COL27A1: variants seen among roughly 807,000 people sequenced by gnomAD.
COL27A1 encodes the protein collagen alpha-1(XXVII) chain.
Under a neutral mutation model 251.3 loss-of-function variants are expected in COL27A1, and 106 were observed. The observed-to-expected ratio is 0.42, with a 90% confidence interval of 0.36 to 0.50. The LOEUF (loss-of-function observed/expected upper bound fraction) is 0.50. Ranked by LOEUF, COL27A1 falls within the 20% of genes least tolerant of loss-of-function variation. The probability of loss-of-function intolerance (pLI) is 0.00; values close to 1 mark genes in which losing one functional copy is unlikely to be tolerated. For synonymous variants in COL27A1, 1,000 were observed against 986.3 expected, an observed-to-expected ratio of 1.01 and a Z score of -0.26; for missense variants, 2,325 against 2,522.8, an observed-to-expected ratio of 0.92 and a Z score of 1.68.
At chr9:114,237,534 T>C (rs1832479314) in intron 18 of COL27A1, 128 bp from the exon 19 acceptor site, 1 of 781,440 alleles carries the variant, frequency 1.3e-6, no homozygotes, top group Non-Finnish European at 2.3e-6. Flanking sequence ...TCCTTCTAGT[T>C]GTCCAGGCAG....
At chr9:114,262,122 TGCCATCAGCTCA>T (rs1404673001) in intron 28 of COL27A1, among the ~76,000 whole-genome samples, 4 of 152,178 alleles carry the variant, frequency 2.6e-5, no homozygotes, top group Admixed American at 6.5e-5. Flanking sequence ...TTCAGTTGTC[TGCCATCAGCTCA>T]GCCCCTGTCC....
chr9:114,230,803 T>C (rs1831890933), intron 14 of COL27A1, among the ~76,000 whole-genome samples: 1 of 152,144 alleles, frequency 6.6e-6, no homozygotes, highest in South Asian at 2.1e-4. Flanking sequence ...GGGTAAAGAA[T>C]CAGATATAGG....
chr9:114,156,361 C>T (rs1848124092), intron 1 of COL27A1, among the ~76,000 whole-genome samples: 1 of 149,236 alleles, frequency 6.7e-6, no homozygotes, highest in Non-Finnish European at 1.5e-5. Flanking sequence ...GGGGGGTCTC[C>T]GTTTGGGGCC....
intron 58 of COL27A1, 35 bp from the exon 59 acceptor site, chr9:114,307,634 A>T: frequency 2.1e-6 from 3 of 1,427,904 alleles, no homozygotes; most frequent in Non-Finnish European, 3.0e-6. Flanking sequence ...CATCCCCCAG[A>T]TACATACATC....
intron 4 of COL27A1, among the ~76,000 whole-genome samples, chr9:114,181,677 C>T (rs577020608): frequency 6.6e-6 from 1 of 152,192 alleles, no homozygotes; most frequent in Non-Finnish European, 1.5e-5. Flanking sequence ...TATTACTGTG[C>T]TGGAAGACTC....
Position 114,168,001 on chromosome 9 carries a change from T to C in COL27A1, c.446T>C (p.Leu149Pro). The C allele has an allele frequency of 6.2e-7, 1 of 1,604,732 alleles. No individual in the cohort carries two copies. The highest frequency in any genetic ancestry group is 8.5e-7 in the Non-Finnish European group (1 of 1,179,762). The part of the protein sequence containing the change: ...LGSRRSVAFD[L>P]DMHDGRWHHL... ...TCCCGGCGCTCAGTGGCCTTCGACC[T>C]CGACATGCACGACGGGCGCTGGCAC... The change falls in exon 3 of 61, where the codon CTC becomes CCC. Residue 149 changes from leucine to proline, a missense_variant. Coordinates refer to ENST00000356083, the MANE Select transcript of COL27A1 (RefSeq NM_032888.4).
rs148339655 is a variant in COL27A1 at position 114,168,038 on chromosome 9, C to T, written c.483C>T (p.Leu161=). 173 of 1,605,870 alleles carry T rather than the reference C, an allele frequency of 1.1e-4. 3 individuals are homozygous for T. In the South Asian group the frequency reaches 1.5e-3, roughly 14 times the overall value. Residue 161 remains leucine, a synonymous_variant, in exon 3 of 61, where the codon CTC becomes CTT. Coordinates refer to ENST00000356083, the MANE Select transcript of COL27A1 (RefSeq NM_032888.4). ...MHDGRWHHLA[L]ELRGRTVTLV... Reference sequence around the variant, plus strand: ...ACGGGCGCTGGCACCACCTGGCCCTCGAGCTCCGAGGCCGCACAGTCACTC... The same window carrying T: ...ACGGGCGCTGGCACCACCTGGCCCTTGAGCTCCGAGGCCGCACAGTCACTC...
intron 27 of COL27A1, among the ~76,000 whole-genome samples, 166 bp downstream of exon 27, chr9:114,253,098 G>A (rs7042314): frequency 0.45 from 68,815 of 152,034 alleles, 16,748 homozygotes; most frequent in East Asian, 0.76. Flanking sequence ...TGTCTCTACG[G>A]AAAATACAAA....
At chr9:114,162,660 C>G in intron 1 of COL27A1, 55 bp from the exon 2 acceptor site, 1 of 1,325,216 alleles carries the variant, frequency 7.5e-7, no homozygotes. Context: ...CAGCCGGATC[C>G]GGGTGTGAGG....
rs767375727 is a variant in COL27A1 at position 114,266,538 on chromosome 9, C to T, written c.3394-27C>T. 4.6e-5 allele frequency: 74 copies of T among 1,610,542 alleles called. 1 individual carries two copies. In the Middle Eastern group the frequency reaches 1.3e-3, roughly 29 times the overall value. On this transcript the variant is annotated intron_variant, in intron 32 of 60. Transcript: ENST00000356083. Reference sequence around the variant, plus strand: ...GAGGGCCCAGGCTGACCTCTCCCAACTGTCTGTGTGTCTGTCTGTCTTCCA... The same window carrying T: ...GAGGGCCCAGGCTGACCTCTCCCAATTGTCTGTGTGTCTGTCTGTCTTCCA...
At chr9:114,167,210 T>A (rs934170897) in intron 2 of COL27A1, among the ~76,000 whole-genome samples, 1 of 152,214 alleles carries the variant, frequency 6.6e-6, no homozygotes, top group Non-Finnish European at 1.5e-5. Context: ...CCTCTAACAC[T>A]CTCAGCAACA....
chr9:114,257,566 G>GC (rs1834010564), intron 27 of COL27A1, among the ~76,000 whole-genome samples: 1 of 151,748 alleles, frequency 6.6e-6, no homozygotes, highest in Non-Finnish European at 1.5e-5. Context: ...TGTCTCTCTT[G>GC]CCCCTCTTGT....
At position 114,203,686 on chromosome 9, in the gene COL27A1, T is replaced by C. The variant is rs1400889497; in HGVS notation, c.2125-1416T>C. 2.0e-5 allele frequency among the ~76,000 whole-genome samples: 3 copies of C among 152,184 alleles called. No individual in the cohort carries two copies. The East Asian group carries it at 5.8e-4, about 29-fold the overall frequency. The stretch of plus-strand genomic sequence containing the variant: ...TTGTAAACTCTCCAGACCTCTTAGA[T>C]CAAACTGACTCTGCTGTTTATAATA... On this transcript the variant is annotated intron_variant, in intron 7 of 60. Transcript: ENST00000356083.
At chr9:114,159,881 G>A (rs1160247072) in intron 1 of COL27A1, among the ~76,000 whole-genome samples, 1 of 152,198 alleles carries the variant, frequency 6.6e-6, no homozygotes, top group East Asian at 1.9e-4. Context: ...TCTCTCCAGG[G>A]CTCATGCTAT....
intron 15 of COL27A1, 118 bp downstream of exon 15, chr9:114,231,250 T>C (rs1238897715): frequency 1.2e-5 from 12 of 972,652 alleles, no homozygotes; most frequent in African/African-American, 3.2e-5. Flanking sequence ...GATGGCAGGA[T>C]GCTCAGAGGG....
At chr9:114,173,705 T>G (rs1474588943) in intron 3 of COL27A1, among the ~76,000 whole-genome samples, 1 of 148,358 alleles carries the variant, frequency 6.7e-6, no homozygotes, top group African/African-American at 2.5e-5. Flanking sequence ...GATGCGGGGG[T>G]CGGGGGGAGG....
Position 114,289,668 on chromosome 9 carries a change from TGCCCCAGGGCCCCTGCCTTCCCCCA to T in COL27A1, c.4206+379_4207-360del, listed in dbSNP as rs1827768420. 2.6e-5 allele frequency among the ~76,000 whole-genome samples: 4 copies of T among 152,136 alleles called. No homozygotes were observed. The South Asian group carries it at 8.3e-4, about 31-fold the overall frequency. ...TTGAGCAGGAGCCACTTCCTGCCTCTGCCCCAGGGCCCCTGCCTTCCCCCAGCCCCCAGACTGGGCCAGTGCTCTC... is the reference window on the plus strand; with the variant it reads ...TTGAGCAGGAGCCACTTCCTGCCTCTGCCCCCAGACTGGGCCAGTGCTCTC... On this transcript the variant is annotated intron_variant, in intron 45 of 60. Transcript: ENST00000356083.
At chr9:114,209,248 G>A (rs1195930488) in intron 10 of COL27A1, among the ~76,000 whole-genome samples, 3 of 152,180 alleles carry the variant, frequency 2.0e-5, no homozygotes, top group Admixed American at 6.5e-5. Flanking sequence ...GTGGATGTAA[G>A]CCCTACATCC....
Position 114,243,842 on chromosome 9 carries a change from G to A in COL27A1, c.2934+282G>A, listed in dbSNP as rs922830433. Among the ~76,000 whole-genome samples, 5 of 152,178 alleles carry A rather than the reference G, an allele frequency of 3.3e-5. No homozygotes were observed. In the East Asian group the frequency reaches 9.6e-4, roughly 29 times the overall value. On this transcript the variant is annotated intron_variant, in intron 23 of 60. Coordinates refer to ENST00000356083, the MANE Select transcript of COL27A1 (RefSeq NM_032888.4). Reference sequence around the variant, plus strand: ...TGCCTGAATGTGGGGTGGGGGTGGTGGAGGAAACAGGTTATAAAAGGGAAT... The same window carrying A: ...TGCCTGAATGTGGGGTGGGGGTGGTAGAGGAAACAGGTTATAAAAGGGAAT...
Sources: gnomAD v4.1 joint callset for allele counts (sites outside exome capture counted in the v4.1 genomes callset) on GRCh38, gnomAD v4.1.1 for gene constraint, MANE v1.5 for transcripts, NCBI Gene and HGNC (gene_info 2026-07-23, HGNC 2026-07-21) for gene names.